Variants in TET3 observed in about 807,000 individuals in gnomAD.
TET3 encodes methylcytosine dioxygenase TET3.
Under a neutral mutation model 141.4 loss-of-function variants are expected in TET3, and 19 were observed. The observed-to-expected ratio is 0.13, with a 90% CI of 0.09 to 0.20. The LOEUF is 0.20. TET3 is among the 10% of genes least tolerant of loss of function. The probability of loss-of-function intolerance (pLI) is 1.00; values close to 1 mark genes in which losing one functional copy is unlikely to be tolerated. For missense variants in TET3, 1,874 were observed against 2,356.9 expected, an observed-to-expected ratio of 0.80 and a Z score of 4.24; for synonymous variants, 1,043 against 980.9, an observed-to-expected ratio of 1.06 and a Z score of -1.18.
At position 74,106,849 on chromosome 2, in the gene TET3, G is replaced by A. The variant is rs1178136654; in HGVS notation, c.*4673G>A. ...TCCGTCTGATGACATACTTGACCTT[G>A]AAAAATCTGGGGTCATTTTGTTTTT... is the stretch of plus-strand genomic sequence containing the variant. On this transcript the variant is annotated 3_prime_UTR_variant, in exon 12 of 12. Transcript: ENST00000409262. 6.6e-6 allele frequency: 1 copy of A among 152,370 alleles called. No individual in the cohort carries two copies. Among genetic ancestry groups the A allele is most frequent in the Non-Finnish European group, 1.5e-5 (1 of 68,020 alleles). The allele number at this position is 152,370 out of a possible 1,614,324, so 9.4% of individuals were successfully genotyped here.
At chr2:74,001,994 TG>T (rs953532259) in intron 2 of TET3, among the ~76,000 whole-genome samples, 1 of 151,714 alleles carries the variant, frequency 6.6e-6, no homozygotes, top group African/African-American at 2.4e-5. Flanking sequence ...TGTGGGTGTT[TG>T]TGTGTGTGGA....
intron 4 of TET3, among the ~76,000 whole-genome samples, chr2:74,049,162 TGTG>T (rs977186612): frequency 1.1e-4 from 17 of 151,932 alleles, no homozygotes; most frequent in African/African-American, 3.9e-4. Context: ...GAGGAAGGCT[TGTG>T]GGAGGAGGGG....
chr2:74,035,201 CAAAAA>C (rs35642768), intron 3 of TET3, among the ~76,000 whole-genome samples: 5 of 65,456 alleles, frequency 7.6e-5, no homozygotes, highest in Non-Finnish European at 5.7e-5. Context: ...GACTCCGTCT[CAAAAA>C]AAAAAAAAAA....
rs1221958740 is a variant in TET3, at chr2:74,104,565, T to A, written c.*2389T>A. ...GATCTTAAGCAAGAAATACAATATT[T>A]TACGAAACATTTGGAGAATGTGACC... On this transcript the variant is annotated 3_prime_UTR_variant, in exon 12 of 12. Transcript: ENST00000409262. 6.6e-6 allele frequency: 1 copy of A among 152,206 alleles called. No homozygotes were observed. The highest frequency in any genetic ancestry group is 1.5e-5 in the Non-Finnish European group (1 of 68,052). 9.4% of individuals were successfully genotyped at this position (152,206 alleles called of 1,614,324 possible). A position where few individuals can be genotyped will look rare whatever the true frequency, so the allele number is the denominator to read the frequency against.
At chr2:73,987,439 G>A in intron 2 of TET3, among the ~76,000 whole-genome samples, 1 of 152,154 alleles carries the variant, frequency 6.6e-6, no homozygotes, top group Non-Finnish European at 1.5e-5. Context: ...GTGAGAGCAG[G>A]CAGGGTGGGA....
intron 2 of TET3, among the ~76,000 whole-genome samples, chr2:73,992,233 T>C (rs933203626): frequency 1.4e-4 from 22 of 152,072 alleles, no homozygotes; most frequent in Non-Finnish European, 3.1e-4. Context: ...CTACCCTACC[T>C]GAGTCTGAGT....
chr2:74,110,674 C>T (rs1691682523), downstream of TET3, among the ~76,000 whole-genome samples: 1 of 152,168 alleles, frequency 6.6e-6, no homozygotes, highest in African/African-American at 2.4e-5. Context: ...GCCTGCTTTC[C>T]TCTACTGAGA....
At chr2:74,080,307 C>T (rs1689738337) in intron 5 of TET3, among the ~76,000 whole-genome samples, 191 bp from the exon 6 acceptor site, 1 of 152,324 alleles carries the variant, frequency 6.6e-6, no homozygotes, top group East Asian at 1.9e-4. Flanking sequence ...AACCTGGAAG[C>T]CTGGAAGTGG....
intron 3 of TET3, among the ~76,000 whole-genome samples, chr2:74,020,124 A>C (rs1685957549): frequency 6.6e-6 from 1 of 151,990 alleles, no homozygotes; most frequent in African/African-American, 2.4e-5. Context: ...GCATCCCCCC[A>C]ACCCAGTATG....
chr2:74,076,441 G>GTTTTTTTTTTTTTTTTTTTTTT (rs70965785), intron 5 of TET3, among the ~76,000 whole-genome samples: 3 of 56,556 alleles, frequency 5.3e-5, no homozygotes, highest in South Asian at 1.0e-3. Context: ...ATTCCTCTGG[G>GTTTTTTTTTTTTTTTTTTTTTT]TTTTTTTTTT....
intron 4 of TET3, among the ~76,000 whole-genome samples, chr2:74,055,584 T>A (rs534105673): frequency 6.6e-6 from 1 of 152,366 alleles, no homozygotes; most frequent in East Asian, 1.9e-4. Flanking sequence ...TATAATCTTA[T>A]GCTCTTCAGC....
intron 8 of TET3, among the ~76,000 whole-genome samples, chr2:74,092,174 A>C (rs1202964534): frequency 6.6e-6 from 1 of 152,010 alleles, no homozygotes; most frequent in Non-Finnish European, 1.5e-5. Context: ...GGCTGTGGGC[A>C]CCTCTAATCC....
rs1251202892 is a variant in TET3, at chr2:74,105,309, T to C, written c.*3133T>C. ...CGTGCAGTGCAAACATTTGGTTCCT[T>C]TTCTGCTCTGTTTTGTTTTCCCTGC... is the stretch of plus-strand genomic sequence containing the variant. On this transcript the variant is annotated 3_prime_UTR_variant, in exon 12 of 12. Transcript: ENST00000409262. 2.5e-6 allele frequency: 1 copy of C among 398,638 alleles called. No individual in the cohort carries two copies. Among genetic ancestry groups the C allele is most frequent in the Non-Finnish European group, 4.4e-6 (1 of 226,074 alleles). 24.7% of individuals were successfully genotyped at this position (398,638 alleles called of 1,614,324 possible).
chr2:74,031,937 T>A (rs200297911), intron 3 of TET3, among the ~76,000 whole-genome samples: 1 of 152,210 alleles, frequency 6.6e-6, no homozygotes, highest in East Asian at 1.9e-4. Context: ...CTATTGACTC[T>A]GATGTTGGAT....
At chr2:73,987,715 G>A (rs1558687863) in intron 2 of TET3, among the ~76,000 whole-genome samples, 1 of 152,196 alleles carries the variant, frequency 6.6e-6, no homozygotes, top group Non-Finnish European at 1.5e-5. Flanking sequence ...CAGACAACTC[G>A]GGCCCCCTCT....
chr2:74,002,610 G>C, intron 2 of TET3: 1 of 345,432 alleles, frequency 2.9e-6, no homozygotes, highest in Admixed American at 4.8e-5. Flanking sequence ...AGGTCCACCA[G>C]GCGGGGGCAG....
At chr2:74,116,890 A>C in the TET3 span, among the ~76,000 whole-genome samples, 1 of 152,128 alleles carries the variant, frequency 6.6e-6, no homozygotes, top group Non-Finnish European at 1.5e-5. Context: ...CCAGCTGTGC[A>C]TGAGACACTC....
chr2:74,129,340 A>C, the TET3 span, among the ~76,000 whole-genome samples: 1 of 149,386 alleles, frequency 6.7e-6, no homozygotes, highest in East Asian at 2.0e-4. Context: ...AAAAAAAAAA[A>C]AAAAAAACCC....
At chr2:74,007,802 T>G (rs1360030939) in intron 3 of TET3, among the ~76,000 whole-genome samples, 1 of 152,192 alleles carries the variant, frequency 6.6e-6, no homozygotes, top group Non-Finnish European at 1.5e-5. Context: ...GGACCAGTTT[T>G]TTTGTTTGTT....
Sources: allele counts gnomAD v4.1 joint callset (sites outside exome capture counted in the v4.1 genomes callset), GRCh38; gene constraint gnomAD v4.1.1; transcripts MANE v1.5; gene names NCBI Gene and HGNC (gene_info 2026-07-23, HGNC 2026-07-21).